Variants in SIPA1L2 observed in about 807,000 individuals in gnomAD.
The protein encoded by SIPA1L2 is signal-induced proliferation-associated 1-like protein 2.
A neutral mutation model predicts 163.9 loss-of-function variants in SIPA1L2; 56 were observed. The observed-to-expected ratio is 0.34, with a 90% CI of 0.28 to 0.43. SIPA1L2 has a LOEUF of 0.43. Among genes scored for constraint, SIPA1L2 ranks in the 20% least tolerant of loss-of-function variants. SIPA1L2 has a pLI of 1.00. For missense variants in SIPA1L2, 1,974 were observed against 2,193.5 expected (o/e 0.90, Z 2.00); for synonymous variants, 877 against 865.7 (o/e 1.01, Z -0.23).
At chr1:232,411,452 T>G (rs1256369337) in intron 19 of SIPA1L2, among the ~76,000 whole-genome samples, 1 of 152,230 alleles carries the variant, frequency 6.6e-6, no homozygotes, top group Non-Finnish European at 1.5e-5. Flanking sequence ...TCATGTTAAC[T>G]TAACCTCCTT....
In SIPA1L2 at chr1:232,482,002, C is replaced by T. The variant is rs193287223; in HGVS notation, c.1981+1790G>A. On this transcript the variant is annotated intron_variant, in intron 6 of 22. Coordinates refer to ENST00000674635, the MANE Select transcript of SIPA1L2 (RefSeq NM_020808.5). ...TCTGACCATTCTCCCATACCTAATT[C>T]TTACATATCTCCTCTCTACTAAAAG... Among the ~76,000 whole-genome samples the T allele has an allele frequency of 2.9e-3, 444 of 152,318 alleles. 1 individual carries two copies. The highest frequency in any genetic ancestry group is 4.9e-3 in the Non-Finnish European group (333 of 68,030).
At chr1:232,536,021 A>G (rs969863636) in intron 2 of SIPA1L2, among the ~76,000 whole-genome samples, 2 of 152,258 alleles carry the variant, frequency 1.3e-5, no homozygotes, top group African/African-American at 4.8e-5. Context: ...AGTGGTTGAC[A>G]GAGCAAAGGG....
intron 1 of SIPA1L2, among the ~76,000 whole-genome samples, chr1:232,618,407 G>A (rs1235881358): frequency 6.6e-6 from 1 of 152,180 alleles, no homozygotes; most frequent in Non-Finnish European, 1.5e-5. Flanking sequence ...TGTAATCCCA[G>A]CACTTTAGGA....
Position 232,439,167 on chromosome 1 carries a change from G to A in SIPA1L2, c.3972C>T (p.Ser1324=), listed in dbSNP as rs758251558. 3.2e-5 allele frequency: 51 copies of A among 1,613,274 alleles called. No homozygotes were observed. The highest frequency in any genetic ancestry group is 6.7e-5 in the African/African-American group (5 of 74,946). ...TGCTGCCTTCCGCAGCACTGCCGGC[G>A]GAGATGGTGGACGCGTAGCCATGCA... ...YSVHGYASTI[S]AGSAAEGSMG... Residue 1324 remains serine, a synonymous_variant, in exon 15 of 23, where the codon TCC becomes TCT. Coordinates refer to ENST00000674635, the MANE Select transcript of SIPA1L2 (RefSeq NM_020808.5).
intron 7 of SIPA1L2, 52 bp from the exon 8 acceptor site, chr1:232,471,580 T>A (rs755141118): frequency 1.4e-6 from 2 of 1,429,834 alleles, no homozygotes; most frequent in Non-Finnish European, 9.5e-7. Context: ...TAAAACAAAA[T>A]ATATATATAA....
intron 4 of SIPA1L2, among the ~76,000 whole-genome samples, chr1:232,491,970 G>T (rs1454836010): frequency 6.6e-6 from 1 of 152,062 alleles, no homozygotes; most frequent in Non-Finnish European, 1.5e-5. Flanking sequence ...TTCTAATTTT[G>T]TTCAGTTATT....
chr1:232,414,868 G>C (rs1558156854), intron 19 of SIPA1L2, among the ~76,000 whole-genome samples: 1 of 152,164 alleles, frequency 6.6e-6, no homozygotes, highest in Non-Finnish European at 1.5e-5. Flanking sequence ...CTTTATCTGC[G>C]AGCTGGACAA....
chr1:232,559,837 T>A lies in SIPA1L2; in HGVS notation c.-270+14337A>T, dbSNP rs549589125. 2.6e-5 allele frequency among the ~76,000 whole-genome samples: 4 copies of A among 152,344 alleles called. No individual in the cohort carries two copies. The East Asian group carries it at 7.7e-4, about 29-fold the overall frequency. On this transcript the variant is annotated intron_variant, in intron 2 of 22. Coordinates refer to ENST00000674635, the MANE Select transcript of SIPA1L2 (RefSeq NM_020808.5). ...GTGTGTATTACTTTAAATAAATAAA[T>A]TGCTCTATTGTTAGAGTAAGCTACA...
chr1:232,445,531 C>G lies in SIPA1L2; in HGVS notation c.3351G>C (p.Thr1117=). The change falls in exon 11 of 23, where the codon ACG becomes ACC. Residue 1117 remains threonine, a splice_region_variant and synonymous_variant. Coordinates refer to ENST00000674635, the MANE Select transcript of SIPA1L2 (RefSeq NM_020808.5). ...TGAGGAAACGGAACCAGCATTACCT[C>G]GTGCCATCGGGCAGCTTCCGGTCGA... ...TSFDRKLPDG[T]RSSPSNQSSS... The G allele has an allele frequency of 1.9e-6, 3 of 1,613,668 alleles. No individual in the cohort carries two copies. The highest frequency in any genetic ancestry group is 2.5e-6 in the Non-Finnish European group (3 of 1,179,854).
At chr1:232,544,871 C>T (rs1657933779) in intron 2 of SIPA1L2, among the ~76,000 whole-genome samples, 1 of 152,198 alleles carries the variant, frequency 6.6e-6, no homozygotes, top group Non-Finnish European at 1.5e-5. Flanking sequence ...CCCCTCTTCT[C>T]TAAAGCAGGG....
intron 2 of SIPA1L2, among the ~76,000 whole-genome samples, chr1:232,571,880 C>A (rs1193807652): frequency 6.6e-6 from 1 of 152,212 alleles, no homozygotes; most frequent in African/African-American, 2.4e-5. Flanking sequence ...TACCATGCTT[C>A]CTGTACAGCC....
chr1:232,508,406 C>T (rs529200002), intron 3 of SIPA1L2, among the ~76,000 whole-genome samples: 9 of 152,172 alleles, frequency 5.9e-5, no homozygotes, highest in Admixed American at 3.3e-4. Context: ...CGTCACCAAG[C>T]GGGGGAGACC....
chr1:232,399,242 T>C lies in SIPA1L2; in HGVS notation c.5054A>G (p.Glu1685Gly). The stretch of plus-strand genomic sequence containing the variant: ...GTTGTCCTGTCTCAGGTGCTGCACT[T>C]CTGCTTGGAGAACGGCCTTGTCTTG... ...EKQDKAVLQA[E>G]VQHLRQDNMR... is the part of the protein sequence containing the mutation. The change falls in exon 23 of 23, where the codon GAA becomes GGA. Residue 1685 changes from glutamate to glycine, a missense_variant. Physicochemically the swap from Glu to Gly is moderately conservative, Grantham distance 98. Around this residue, in one of 3 missense-constraint regions of SIPA1L2, gnomAD observed 1,079 missense variants for 1,150.7 expected, o/e 0.94. Transcript: ENST00000674635. 1 of 1,613,694 alleles carries C rather than the reference T, an allele frequency of 6.2e-7. No individual in the cohort carries two copies. Among genetic ancestry groups the C allele is most frequent in the Non-Finnish European group, 8.5e-7 (1 of 1,179,958 alleles).
intron 1 of SIPA1L2, among the ~76,000 whole-genome samples, chr1:232,623,154 C>T (rs759134354): frequency 5.9e-5 from 9 of 152,244 alleles, no homozygotes; most frequent in Admixed American, 1.3e-4. Context: ...AACCCACTAA[C>T]GGCTGGGAAG....
chr1:232,426,418 T>C (rs1166120670), intron 17 of SIPA1L2, among the ~76,000 whole-genome samples: 1 of 152,222 alleles, frequency 6.6e-6, no homozygotes, highest in African/African-American at 2.4e-5. Context: ...CCCAGCACTC[T>C]GGGAGGCAGA....
At chr1:232,508,618 C>T (rs1431000714) in intron 3 of SIPA1L2, among the ~76,000 whole-genome samples, 1 of 152,236 alleles carries the variant, frequency 6.6e-6, no homozygotes, top group African/African-American at 2.4e-5. Context: ...GACCCTTTGT[C>T]ACAGCCTGTT....
At chr1:232,405,707 G>A (rs1371453939) in intron 19 of SIPA1L2, among the ~76,000 whole-genome samples, 1 of 152,172 alleles carries the variant, frequency 6.6e-6, no homozygotes, top group Non-Finnish European at 1.5e-5. Context: ...GAATGGAAAA[G>A]AAAATGGATA....
At chr1:232,609,260 T>C (rs1662118333) in intron 1 of SIPA1L2, among the ~76,000 whole-genome samples, 1 of 152,150 alleles carries the variant, frequency 6.6e-6, no homozygotes, top group Non-Finnish European at 1.5e-5. Flanking sequence ...AATTAACTAT[T>C]ACTTAATAAA....
At chr1:232,449,061 C>T (rs1396325955) in intron 10 of SIPA1L2, among the ~76,000 whole-genome samples, 1 of 151,994 alleles carries the variant, frequency 6.6e-6, no homozygotes, top group African/African-American at 2.4e-5. Context: ...AGAGAAAAGA[C>T]AAGCAGATGT....
Sources: gnomAD v4.1 joint callset for allele counts (sites outside exome capture counted in the v4.1 genomes callset) on GRCh38, gnomAD v4.1.1 for gene constraint, gnomAD v4.1.1 regional missense constraint, MANE v1.5 for transcripts, NCBI Gene and HGNC (gene_info 2026-07-23, HGNC 2026-07-21) for gene names.